SEPTIN11: variants seen among roughly 807,000 people sequenced by gnomAD.
SEPTIN11 encodes septin-11.
SEPTIN11 carries 25 observed loss-of-function variants against 51.4 expected under a neutral mutation model. That is an observed-to-expected ratio of 0.49 (90% CI 0.35 to 0.68). The LOEUF (loss-of-function observed/expected upper bound fraction) is 0.68. Ranked by LOEUF, SEPTIN11 falls within the 30% of genes least tolerant of loss-of-function variation. SEPTIN11 has a pLI of 0.00. For synonymous variants in SEPTIN11, 174 were observed against 184.1 expected, an observed-to-expected ratio of 0.95 and a Z score of 0.44; for missense variants, 381 against 520.8, an observed-to-expected ratio of 0.73 and a Z score of 2.61.
chr4:77,037,677 T>G lies in SEPTIN11; in HGVS notation c.*3165T>G. On this transcript the variant is annotated 3_prime_UTR_variant, in exon 10 of 10. Coordinates refer to ENST00000264893, the MANE Select transcript of SEPTIN11 (RefSeq NM_018243.4). ...TTTTGTTCAAACATAATACCATCTT[T>G]TTGCTTCTTCTGAACTTTAGATCTC... is the stretch of plus-strand genomic sequence containing the variant. The G allele has an allele frequency of 1.0e-6, 1 of 985,818 alleles. No individual in the cohort carries two copies. Among genetic ancestry groups the G allele is most frequent in the Non-Finnish European group, 1.2e-6 (1 of 829,938 alleles). 61.1% of individuals were successfully genotyped at this position (985,818 alleles called of 1,614,324 possible). A position where few individuals can be genotyped will look rare whatever the true frequency, so the allele number is the denominator to read the frequency against.
At chr4:76,956,535 T>G (rs1322116987) in intron 1 of SEPTIN11, among the ~76,000 whole-genome samples, 4 of 152,246 alleles carry the variant, frequency 2.6e-5, no homozygotes, top group Non-Finnish European at 5.9e-5. Context: ...CTCGGAGGTC[T>G]GCTGCATACT....
chr4:77,036,514 A>G lies in SEPTIN11; in HGVS notation c.*2002A>G. The stretch of plus-strand genomic sequence containing the variant: ...ACTAAAATTTTTTTAAAATGAGCAT[A>G]ACAACGAAAGGCATCCAGCTGACTT... On this transcript the variant is annotated 3_prime_UTR_variant, in exon 10 of 10. Coordinates refer to ENST00000264893, the MANE Select transcript of SEPTIN11 (RefSeq NM_018243.4). 1.5e-6 allele frequency: 2 copies of G among 1,360,698 alleles called. No individual in the cohort carries two copies. Among genetic ancestry groups the G allele is most frequent in the Non-Finnish European group, 1.9e-6 (2 of 1,059,726 alleles). 84.3% of individuals were successfully genotyped at this position (1,360,698 alleles called of 1,614,324 possible). A position where few individuals can be genotyped will look rare whatever the true frequency, so the allele number is the denominator to read the frequency against.
At position 76,988,619 on chromosome 4, in the gene SEPTIN11, T is replaced by C. The variant is rs145926945; in HGVS notation, c.28-7806T>C. ...TAACTCCTGAGCTTAAGCAAGATCC[T>C]CCTGCGTCAGCCTCCCAAGTAGCTG... is the stretch of plus-strand genomic sequence containing the variant. On this transcript the variant is annotated intron_variant, in intron 1 of 9. Coordinates refer to ENST00000264893, the MANE Select transcript of SEPTIN11 (RefSeq NM_018243.4). Among the ~76,000 whole-genome samples, 657 of 152,322 alleles carry C rather than the reference T, an allele frequency of 4.3e-3. 6 individuals are homozygous for C. Among genetic ancestry groups the C allele is most frequent in the African/African-American group, 0.015 (640 of 41,572 alleles).
At chr4:77,039,478 C>T, downstream of SEPTIN11, 1 of 985,338 alleles carries the variant, frequency 1.0e-6, no homozygotes. Context: ...GAGGGGGCCA[C>T]CACACCCAGG....
chr4:76,974,449 C>A (rs1409996445), intron 1 of SEPTIN11: 1 of 180,272 alleles, frequency 5.5e-6, no homozygotes, highest in Non-Finnish European at 1.2e-5. Context: ...CACAAAGAAA[C>A]AATCTCATCT....
At chr4:77,019,989 A>G (rs1725581882) in intron 6 of SEPTIN11, among the ~76,000 whole-genome samples, 1 of 152,228 alleles carries the variant, frequency 6.6e-6, no homozygotes, top group Non-Finnish European at 1.5e-5. Flanking sequence ...TTTCTCTACA[A>G]TAAGAAAACT....
rs571232635 is a variant in SEPTIN11, at chr4:76,987,164, G to A, written c.28-9261G>A. On this transcript the variant is annotated intron_variant, in intron 1 of 9. Coordinates refer to ENST00000264893, the MANE Select transcript of SEPTIN11 (RefSeq NM_018243.4). ...ATCTACCTGGCTTTGTGACCTAGGG[G>A]CTGGCTCCTGGATGCTCCTCCTTAG... is the stretch of plus-strand genomic sequence containing the variant. Among the ~76,000 whole-genome samples the A allele has an allele frequency of 8.5e-5, 13 of 152,304 alleles. No individual in the cohort carries two copies. The South Asian group carries it at 2.3e-3, about 27-fold the overall frequency.
At chr4:76,977,631 G>C (rs1358398213) in intron 1 of SEPTIN11, among the ~76,000 whole-genome samples, 1 of 151,610 alleles carries the variant, frequency 6.6e-6, no homozygotes, top group Admixed American at 6.6e-5. Context: ...TTTTTCATTA[G>C]TCTAATTTTA....
At chr4:76,973,752 T>C (rs887899324) in intron 1 of SEPTIN11, among the ~76,000 whole-genome samples, 4 of 152,226 alleles carry the variant, frequency 2.6e-5, no homozygotes, top group African/African-American at 9.6e-5. Flanking sequence ...TGGGCGAATT[T>C]CTTTGTGTCT....
At chr4:76,979,168 C>CA (rs1339595293) in intron 1 of SEPTIN11, among the ~76,000 whole-genome samples, 1 of 152,150 alleles carries the variant, frequency 6.6e-6, no homozygotes, top group Non-Finnish European at 1.5e-5. Context: ...TTCCTGTCCT[C>CA]AAAAAATGTA....
At chr4:76,951,463 T>G (rs999650257) in intron 1 of SEPTIN11, among the ~76,000 whole-genome samples, 3 of 152,344 alleles carry the variant, frequency 2.0e-5, no homozygotes, top group Admixed American at 2.0e-4. Flanking sequence ...TTGCATAGTC[T>G]CTGGGCTAGT....
intron 1 of SEPTIN11, among the ~76,000 whole-genome samples, chr4:76,982,459 C>T (rs1436081441): frequency 6.6e-6 from 1 of 152,188 alleles, no homozygotes; most frequent in Non-Finnish European, 1.5e-5. Context: ...GATTGCCTGC[C>T]TCAGCCTCCC....
rs139875789 is a variant in SEPTIN11, at chr4:77,017,552, TTTCTTTCC to T, written c.688-1607_688-1600del. 6.6e-3 allele frequency among the ~76,000 whole-genome samples: 998 copies of T among 152,350 alleles called. 12 individuals are homozygous for T. The highest frequency in any genetic ancestry group is 0.023 in the African/African-American group (946 of 41,578). On this transcript the variant is annotated intron_variant, in intron 5 of 9. Coordinates refer to ENST00000264893, the MANE Select transcript of SEPTIN11 (RefSeq NM_018243.4). ...GACTTGTTTGAGAAAGATAATGTGC[TTTCTTTCC>T]TTCTTAGGGTGTGAGATGAACTAGA...
intron 1 of SEPTIN11, among the ~76,000 whole-genome samples, chr4:76,993,807 C>A (rs1023249630): frequency 6.6e-6 from 1 of 152,116 alleles, no homozygotes; most frequent in Non-Finnish European, 1.5e-5. Flanking sequence ...CTTTAAATTT[C>A]AAAAATGTCA....
chr4:77,019,381 G>T (rs1725530789), intron 6 of SEPTIN11, 120 bp downstream of exon 6: 1 of 711,052 alleles, frequency 1.4e-6, no homozygotes, highest in Non-Finnish European at 2.3e-6. Flanking sequence ...GTGGGAGGGA[G>T]TGGTGGGGCT....
chr4:77,000,501 C>T (rs971892914), intron 2 of SEPTIN11, among the ~76,000 whole-genome samples: 1 of 152,216 alleles, frequency 6.6e-6, no homozygotes, highest in Admixed American at 6.5e-5. Context: ...ACATTTTTCT[C>T]TCAGCTTAGT....
In SEPTIN11 at chr4:77,024,340, C is replaced by T. The variant is rs1265798392; in HGVS notation, c.953+3670C>T. Among the ~76,000 whole-genome samples, 1 of 152,136 alleles carries T rather than the reference C, an allele frequency of 6.6e-6. No homozygotes were observed. Among genetic ancestry groups the T allele is most frequent in the African/African-American group, 2.4e-5 (1 of 41,430 alleles). ...TTCCCAAGCCCATCTTTATCCGCCCCCTGTGCATGCCCGGCTGCTGCCCTG... is the reference window on the plus strand; with the variant it reads ...TTCCCAAGCCCATCTTTATCCGCCCTCTGTGCATGCCCGGCTGCTGCCCTG... On this transcript the variant is annotated intron_variant, in intron 7 of 9. Transcript: ENST00000264893. The surrounding 1 kb of genome is among the most constrained non-coding windows in gnomAD (Gnocchi z 4.2).
chr4:77,035,045 T>G lies in SEPTIN11; in HGVS notation c.*533T>G, dbSNP rs1041900870. ...GGTGAGCAAGCATTATATTTTATTTTTACCCTTGCATGACATTTTCATTTT... is the reference window on the plus strand; with the variant it reads ...GGTGAGCAAGCATTATATTTTATTTGTACCCTTGCATGACATTTTCATTTT... On this transcript the variant is annotated 3_prime_UTR_variant, in exon 10 of 10. Transcript: ENST00000264893. The G allele has an allele frequency of 9.1e-6, 9 of 985,572 alleles. No homozygotes were observed. The highest frequency in any genetic ancestry group is 1.1e-5 in the Non-Finnish European group (9 of 829,986). 61.1% of individuals were successfully genotyped at this position (985,572 alleles called of 1,614,324 possible).
In SEPTIN11 at chr4:76,959,003, A is replaced by G. The variant is rs1721687377; in HGVS notation, c.27+9073A>G. 7 of 778,974 alleles carry G rather than the reference A, an allele frequency of 9.0e-6. 1 individual carries two copies. The highest frequency in any genetic ancestry group is 1.6e-5 in the Non-Finnish European group (7 of 429,366). 48.3% of individuals were successfully genotyped at this position (778,974 alleles called of 1,614,324 possible). On this transcript the variant is annotated intron_variant, in intron 1 of 9. Transcript: ENST00000264893. ...AACATCCTGACAGTCATCCACATCT[A>G]CTTCAAGGAATACCATGTTGGAATA... is the stretch of plus-strand genomic sequence containing the variant.
Sources: allele counts gnomAD v4.1 joint callset (sites outside exome capture counted in the v4.1 genomes callset), GRCh38; gene constraint gnomAD v4.1.1; non-coding constraint Gnocchi (gnomAD v3.1); transcripts MANE v1.5; gene names NCBI Gene and HGNC (gene_info 2026-07-23, HGNC 2026-07-21).